Variants in GPANK1 observed in about 807,000 individuals in gnomAD.
GPANK1 encodes G patch domain and ankyrin repeat-containing protein 1.
In GPANK1, 22 loss-of-function variants were observed where a neutral mutation model predicts 24.0. The observed-to-expected ratio is 0.92, with a 90% CI of 0.66 to 1.31. The LOEUF is 1.31. Ranked by LOEUF, GPANK1 falls within the 50% of genes most tolerant of loss-of-function variation. The pLI is 0.00. For synonymous variants in GPANK1, 174 were observed against 177.4 expected, an observed-to-expected ratio of 0.98 and a Z score of 0.15; for missense variants, 469 against 453.5, an observed-to-expected ratio of 1.03 and a Z score of -0.31.
In GPANK1 at chr6:31,664,177, T is replaced by G; in HGVS notation, c.302A>C (p.Glu101Ala). ...CAGTATCCGGTGAGTCATCTTATCC[T>G]CAGCCTCAAGGGATCTCCCTTGTCC... ...RHGQGRSLEAEDKMTHRILRA... is the reference protein window; with the variant it reads ...RHGQGRSLEAADKMTHRILRA... Residue 101 changes from glutamate to alanine, a missense_variant, in exon 2 of 3, where the codon GAG becomes GCG. Transcript: ENST00000375896. The G allele has an allele frequency of 6.2e-7, 1 of 1,614,230 alleles. No individual in the cohort carries two copies. Among genetic ancestry groups the G allele is most frequent in the Non-Finnish European group, 8.5e-7 (1 of 1,180,030 alleles).
At position 31,662,269 on chromosome 6, in the gene GPANK1, G is replaced by A; in HGVS notation, c.1068C>T (p.Phe356=). The A allele has an allele frequency of 6.5e-7, 1 of 1,534,074 alleles. No homozygotes were observed. Among genetic ancestry groups the A allele is most frequent in the Middle Eastern group, 1.8e-4 (1 of 5,680 alleles). ...RDLRTYMNLE[F] The stretch of plus-strand genomic sequence containing the variant: ...CTAGGGTCAGACTTTACCAAAGTCA[G>A]AACTCGAGGTTCATGTAAGTCCTTA... Residue 356 remains phenylalanine, a synonymous_variant, in exon 3 of 3, where the codon TTC becomes TTT. Transcript: ENST00000375896. The surrounding 1 kb of genome is among the most constrained non-coding windows in gnomAD (Gnocchi z 5.5).
chr6:31,661,861 G>T lies in GPANK1; in HGVS notation c.*405C>A, dbSNP rs11965323. On this transcript the variant is annotated 3_prime_UTR_variant, in exon 3 of 3. Coordinates refer to ENST00000375896, the MANE Select transcript of GPANK1 (RefSeq NM_033177.4). Reference sequence around the variant, plus strand: ...TGTAGTCAGGGAACTCCTCCTGGGGGAAGTGAGACTTGCACGAAGCTGGGC... The same window carrying T: ...TGTAGTCAGGGAACTCCTCCTGGGGTAAGTGAGACTTGCACGAAGCTGGGC... 0.017 allele frequency: 3,321 copies of T among 200,228 alleles called. 75 individuals carry two copies. The highest frequency in any genetic ancestry group is 0.062 in the African/African-American group (2,659 of 43,210). The allele number at this position is 200,228 out of a possible 1,614,324, so 12.4% of individuals were successfully genotyped here.
intron 1 of GPANK1, 114 bp downstream of exon 1, chr6:31,664,727 A>G: frequency 5.7e-6 from 3 of 526,890 alleles, no homozygotes; most frequent in Non-Finnish European, 3.3e-6. Context: ...AAAGATTAAT[A>G]AAACTCCATG....
Position 31,664,122 on chromosome 6 carries a change from T to G in GPANK1, c.357A>C (p.Glu119Asp). 6.2e-7 allele frequency: 1 copy of G among 1,614,200 alleles called. No homozygotes were observed. Among genetic ancestry groups the G allele is most frequent in the Admixed American group, 1.7e-5 (1 of 60,028 alleles). ...CATGCGGTTCCAGCAGTCTCCTAAG[T>G]TCTGGCAGGTCCCCCTCCTGGGCTG... is the stretch of plus-strand genomic sequence containing the variant. ...LRAAQEGDLP[E>D]LRRLLEPHEA... Residue 119 changes from glutamate to aspartate, a missense_variant, in exon 2 of 3, where the codon GAA becomes GAC. Physicochemically the swap from Glu to Asp is conservative, Grantham distance 45. Transcript: ENST00000375896.
upstream of GPANK1, chr6:31,665,527 G>GCCCCCCC: frequency 6.5e-7 from 1 of 1,537,040 alleles, no homozygotes; most frequent in Non-Finnish European, 8.8e-7. Context: ...TTCTCACACC[G>GCCCCCCC]CCCACCCCAC....
upstream of GPANK1, chr6:31,665,829 T>G: frequency 8.4e-7 from 1 of 1,184,012 alleles, no homozygotes; most frequent in Non-Finnish European, 1.1e-6. Flanking sequence ...CAAAACTGTA[T>G]TGCCCAGACT....
At position 31,664,315 on chromosome 6, in the gene GPANK1, G is replaced by C; in HGVS notation, c.164C>G (p.Pro55Arg). Residue 55 changes from proline to arginine, a missense_variant, in exon 2 of 3, where the codon CCT (proline) becomes CGT (arginine). Coordinates refer to ENST00000375896, the MANE Select transcript of GPANK1 (RefSeq NM_033177.4). ...TTCAGTCTGAGATCTCTGGGAGTCA[G>C]GAGCGCTGCTCTCATCCCCAATCAG... Reference protein sequence around the residue: ...EALIGDESSAPDSQRSQTEPA... With the variant: ...EALIGDESSARDSQRSQTEPA... The C allele has an allele frequency of 6.2e-7, 1 of 1,614,164 alleles. No individual in the cohort carries two copies. Among genetic ancestry groups the C allele is most frequent in the South Asian group, 1.1e-5 (1 of 91,086 alleles).
upstream of GPANK1, chr6:31,665,436 G>T: frequency 6.4e-7 from 1 of 1,563,576 alleles, no homozygotes; most frequent in Admixed American, 1.9e-5. Flanking sequence ...CACACTTAGA[G>T]CCTAAGGGGA....
chr6:31,666,232 C>G (rs1414486279), upstream of GPANK1: 1 of 981,776 alleles, frequency 1.0e-6, no homozygotes, highest in Non-Finnish European at 1.2e-6. Context: ...CGTCGCTGCT[C>G]CGAGTCCCTT....
In GPANK1 at chr6:31,664,319, C is replaced by T. The variant is rs1801333352; in HGVS notation, c.160G>A (p.Ala54Thr). 2 of 1,614,050 alleles carry T rather than the reference C, an allele frequency of 1.2e-6. No homozygotes were observed. Among genetic ancestry groups the T allele is most frequent in the South Asian group, 1.1e-5 (1 of 91,090 alleles). The change falls in exon 2 of 3, where the codon GCT becomes ACT. Residue 54 changes from alanine to threonine, a missense_variant. Transcript: ENST00000375896. ...YEALIGDESS[A>T]PDSQRSQTEP... is the part of the protein sequence containing the mutation. The stretch of plus-strand genomic sequence containing the variant: ...GTCTGAGATCTCTGGGAGTCAGGAG[C>T]GCTGCTCTCATCCCCAATCAGGGCC...
At chr6:31,665,504 T>C, upstream of GPANK1, 1 of 1,559,618 alleles carries the variant, frequency 6.4e-7, no homozygotes. Context: ...GTTAGCGCAC[T>C]GGGACGTTCC....
At position 31,661,871 on chromosome 6, in the gene GPANK1, T is replaced by G. The variant is rs868480571; in HGVS notation, c.*395A>C. ...GAACTCCTCCTGGGGGAAGTGAGAC[T>G]TGCACGAAGCTGGGCAATTCTTGGT... On this transcript the variant is annotated 3_prime_UTR_variant, in exon 3 of 3. Transcript: ENST00000375896. The G allele has an allele frequency of 4.9e-6, 1 of 204,096 alleles. No homozygotes were observed. The highest frequency in any genetic ancestry group is 6.0e-5 in the Admixed American group (1 of 16,720). 12.6% of individuals were successfully genotyped at this position (204,096 alleles called of 1,614,324 possible).
In GPANK1 at chr6:31,662,637, T is replaced by C. The variant is rs1025815540; in HGVS notation, c.700A>G (p.Thr234Ala). The C allele has an allele frequency of 6.2e-7, 1 of 1,612,500 alleles. No homozygotes were observed. Among genetic ancestry groups the C allele is most frequent in the African/African-American group, 1.3e-5 (1 of 74,930 alleles). The change falls in exon 3 of 3, where the codon ACT becomes GCT. Residue 234 changes from threonine (T) to alanine (A), a missense_variant. By Grantham distance (58) the Thr-to-Ala change is moderately conservative. Transcript: ENST00000375896. The surrounding 1 kb of genome is among the most constrained non-coding windows in gnomAD (Gnocchi z 5.5). The stretch of plus-strand genomic sequence containing the variant: ...TGCGACAGTGACAGCAGGTGAGCAG[T>C]GGATGTGCGGTGGTTGGAATCTTGG... ...HFQDSNHRTS[T>A]AHLLSLSQGP...
Position 31,664,996 on chromosome 6 carries a change from G to A in GPANK1, c.-255C>T, listed in dbSNP as rs1327412747. ...TGTGTAGCTTCCGTACCGCAAAATG[G>A]CGCCATTCTAATCAGAAGAGTTGAC... On this transcript the variant is annotated 5_prime_UTR_variant, in exon 1 of 3. Transcript: ENST00000375896. The A allele has an allele frequency of 4.2e-6, 1 of 236,024 alleles. No homozygotes were observed. Among genetic ancestry groups the A allele is most frequent in the South Asian group, 6.4e-5 (1 of 15,520 alleles). 14.6% of individuals were successfully genotyped at this position (236,024 alleles called of 1,614,324 possible).
At chr6:31,665,527 G>GCCCCCCCCCCCC, upstream of GPANK1, 1 of 1,537,046 alleles carries the variant, frequency 6.5e-7, no homozygotes, top group Non-Finnish European at 8.8e-7. Context: ...TTCTCACACC[G>GCCCCCCCCCCCC]CCCACCCCAC....
Position 31,664,097 on chromosome 6 carries a change from C to T in GPANK1, c.382G>A (p.Glu128Lys). The change falls in exon 2 of 3, where the codon GAG becomes AAG. Residue 128 changes from glutamate (E) to lysine (K), a missense_variant. Glu to Lys is a moderately conservative substitution (Grantham distance 56, BLOSUM62 1). Transcript: ENST00000375896. ...PELRRLLEPH[E>K]AGGAGGNINA... is the part of the protein sequence containing the mutation. ...ATATTCCCCCCAGCTCCTCCTGCCTCATGCGGTTCCAGCAGTCTCCTAAGT... is the reference window on the plus strand; with the variant it reads ...ATATTCCCCCCAGCTCCTCCTGCCTTATGCGGTTCCAGCAGTCTCCTAAGT... 1 of 1,614,232 alleles carries T rather than the reference C, an allele frequency of 6.2e-7. No homozygotes were observed. The highest frequency in any genetic ancestry group is 8.5e-7 in the Non-Finnish European group (1 of 1,180,046).
At chr6:31,665,622 G>C (rs1801572624), upstream of GPANK1, 6 of 1,028,572 alleles carry the variant, frequency 5.8e-6, no homozygotes, top group Non-Finnish European at 8.8e-6. Context: ...TGCCCGTCAA[G>C]GGTCTCTGGC....
chr6:31,664,425 G>C lies in GPANK1; in HGVS notation c.54C>G (p.Leu18=), dbSNP rs1263421641. The C allele has an allele frequency of 6.2e-7, 1 of 1,614,130 alleles. No individual in the cohort carries two copies. The highest frequency in any genetic ancestry group is 1.1e-5 in the South Asian group (1 of 91,078). ...GTGGCTGCTGCTGCCCATCCTTCCA[G>C]AGGTCGCTGGGGTCAGTGGCTGGGG... ...TFTPATDPSD[L]WKDGQQQPQP... Residue 18 remains leucine, a synonymous_variant, in exon 2 of 3, where the codon CTC becomes CTG. Coordinates refer to ENST00000375896, the MANE Select transcript of GPANK1 (RefSeq NM_033177.4).
upstream of GPANK1, chr6:31,665,470 GCAGAATGGCTGGCA>G: frequency 6.4e-7 from 1 of 1,569,660 alleles, no homozygotes; most frequent in Non-Finnish European, 8.6e-7. Flanking sequence ...AAAGGGACGA[GCAGAATGGCTGGCA>G]CCACCTCAGG....
Sources: allele counts gnomAD v4.1 joint callset, GRCh38; gene constraint gnomAD v4.1.1; non-coding constraint Gnocchi (gnomAD v3.1); transcripts MANE v1.5; gene names NCBI Gene and HGNC (gene_info 2026-07-23, HGNC 2026-07-21).